LRRC4C: variants seen among roughly 807,000 people sequenced by gnomAD.
LRRC4C encodes leucine-rich repeat-containing protein 4C.
LRRC4C carries 5 observed loss-of-function variants against 33.6 expected under a neutral mutation model. The observed-to-expected ratio is 0.15, with a 90% confidence interval of 0.08 to 0.31. LRRC4C has a LOEUF of 0.31. Among genes scored for constraint, LRRC4C ranks in the 10% least tolerant of loss-of-function variants. The probability of loss-of-function intolerance (pLI) is 1.00; values close to 1 mark genes in which losing one functional copy is unlikely to be tolerated. For synonymous variants in LRRC4C, 329 were observed against 302.0 expected, an observed-to-expected ratio of 1.09 and a Z score of -0.93; for missense variants, 560 against 796.7, an observed-to-expected ratio of 0.70 and a Z score of 3.58.
At chr11:41,052,672 T>C (rs964522852) in intron 1 of LRRC4C, among the ~76,000 whole-genome samples, 4 of 152,044 alleles carry the variant, frequency 2.6e-5, no homozygotes, top group African/African-American at 9.7e-5. Context: ...AAACAGTGAG[T>C]AGGTGACTAA....
intron 3 of LRRC4C, among the ~76,000 whole-genome samples, chr11:40,619,843 C>A (rs1256283290): frequency 6.6e-6 from 1 of 151,034 alleles, no homozygotes; most frequent in Non-Finnish European, 1.5e-5. Flanking sequence ...CTCGGTGTTG[C>A]AGGGTGAAGT....
chr11:40,245,972 C>CCTTTTTTTTTTTTTT (rs1194665215), intron 4 of LRRC4C, among the ~76,000 whole-genome samples: 1 of 132,116 alleles, frequency 7.6e-6, no homozygotes, highest in Non-Finnish European at 1.6e-5. Flanking sequence ...AAAGTCCTAA[C>CCTTTTTTTTTTTTTT]TTTTTTTTTT....
At chr11:41,032,937 C>A (rs536551581) in intron 1 of LRRC4C, among the ~76,000 whole-genome samples, 2 of 152,084 alleles carry the variant, frequency 1.3e-5, no homozygotes, top group African/African-American at 2.4e-5. Context: ...GCATCATTTT[C>A]ATTAGCATTT....
chr11:40,858,389 T>G (rs563575492), intron 2 of LRRC4C, among the ~76,000 whole-genome samples: 11 of 152,184 alleles, frequency 7.2e-5, no homozygotes, highest in African/African-American at 2.4e-4. Context: ...TTTCCTAAGA[T>G]CAATAGTATT....
intron 2 of LRRC4C, among the ~76,000 whole-genome samples, chr11:40,913,143 C>A (rs1241192346): frequency 6.6e-6 from 1 of 152,124 alleles, no homozygotes; most frequent in Non-Finnish European, 1.5e-5. Context: ...ATCAATGAGA[C>A]AGAAAGTCAA....
chr11:40,707,615 T>G (rs1366179454), intron 2 of LRRC4C, among the ~76,000 whole-genome samples: 1 of 152,234 alleles, frequency 6.6e-6, no homozygotes, highest in Non-Finnish European at 1.5e-5. Context: ...GGTTTGCCAG[T>G]ATTTTATTGA....
At position 40,183,964 on chromosome 11, in the gene LRRC4C, T is replaced by C. The variant is rs117282101; in HGVS notation, c.-95-43111A>G. ...CTGAAAAAGACAATAATATAAATCA[T>C]TAACAGAAGACAGAGCTTAGAGTTA... On this transcript the variant is annotated intron_variant, in intron 5 of 6. Transcript: ENST00000528697. Among the ~76,000 whole-genome samples, 527 of 152,286 alleles carry C rather than the reference T, an allele frequency of 3.5e-3. 2 individuals are homozygous for C. The highest frequency in any genetic ancestry group is 0.017 in the Middle Eastern group (5 of 294).
At chr11:40,613,313 A>C (rs2172858) in intron 3 of LRRC4C, among the ~76,000 whole-genome samples, 1 of 151,638 alleles carries the variant, frequency 6.6e-6, no homozygotes, top group South Asian at 2.1e-4. Context: ...AATATTCTAA[A>C]TATTTTGTTG....
At chr11:40,743,555 C>T (rs1283654590) in intron 2 of LRRC4C, among the ~76,000 whole-genome samples, 1 of 152,048 alleles carries the variant, frequency 6.6e-6, no homozygotes, top group Non-Finnish European at 1.5e-5. Context: ...TTATATAGGC[C>T]TGAGGCTTCA....
chr11:41,393,081 A>C lies in LRRC4C; in HGVS notation c.-496+66350T>G, dbSNP rs145875782. 4.5e-3 allele frequency among the ~76,000 whole-genome samples: 678 copies of C among 152,044 alleles called. 3 individuals carry two copies. Among genetic ancestry groups the C allele is most frequent in the African/African-American group, 0.014 (590 of 41,524 alleles). On this transcript the variant is annotated intron_variant, in intron 1 of 6. Transcript: ENST00000528697. ...AGATATAATGATTGTAAAGTCACTT[A>C]AGTTAGTTTGCTAGGACATAAGCAA... is the stretch of plus-strand genomic sequence containing the variant.
At chr11:40,290,265 GGT>G (rs1215374605) in intron 4 of LRRC4C, among the ~76,000 whole-genome samples, 2 of 152,022 alleles carry the variant, frequency 1.3e-5, no homozygotes, top group Non-Finnish European at 1.5e-5. Context: ...ACTTAACTGT[GGT>G]AACGTAAAAC....
chr11:40,807,951 A>C (rs1292226427), intron 2 of LRRC4C, among the ~76,000 whole-genome samples: 1 of 152,194 alleles, frequency 6.6e-6, no homozygotes, highest in Non-Finnish European at 1.5e-5. Flanking sequence ...TTTTGGAAAA[A>C]AATTACATCA....
intron 2 of LRRC4C, among the ~76,000 whole-genome samples, chr11:40,665,817 G>GGTA (rs1943775240): frequency 6.6e-6 from 1 of 151,930 alleles, no homozygotes; most frequent in African/African-American, 2.4e-5. Context: ...CCCCTTATTA[G>GGTA]ATTAGCCAGT....
intron 2 of LRRC4C, among the ~76,000 whole-genome samples, chr11:40,690,713 A>G (rs1420683931): frequency 6.6e-6 from 1 of 152,040 alleles, no homozygotes; most frequent in Non-Finnish European, 1.5e-5. Context: ...ATTATCTACA[A>G]CACTGTACCA....
At chr11:40,847,124 T>C (rs918921641) in intron 2 of LRRC4C, among the ~76,000 whole-genome samples, 1 of 22,400 alleles carries the variant, frequency 4.5e-5, no homozygotes, top group South Asian at 1.7e-3. Flanking sequence ...CTCTTCCTAT[T>C]TGAATACCTT....
chr11:40,182,995 C>G (rs1325156051), intron 5 of LRRC4C, among the ~76,000 whole-genome samples: 3 of 152,170 alleles, frequency 2.0e-5, no homozygotes, highest in African/African-American at 7.2e-5. Flanking sequence ...GTAGATGGCA[C>G]AGCAGATATG....
At chr11:41,108,605 T>C (rs957269445) in intron 1 of LRRC4C, among the ~76,000 whole-genome samples, 1 of 152,258 alleles carries the variant, frequency 6.6e-6, no homozygotes, top group Non-Finnish European at 1.5e-5. Context: ...TTCCATTAAT[T>C]TGTATATTGT....
At chr11:40,987,674 TGA>T (rs1853153766) in intron 1 of LRRC4C, among the ~76,000 whole-genome samples, 1 of 27,990 alleles carries the variant, frequency 3.6e-5, no homozygotes, top group African/African-American at 9.7e-5. Flanking sequence ...GAGATATAAA[TGA>T]TATATATATA....
intron 2 of LRRC4C, among the ~76,000 whole-genome samples, chr11:40,714,412 C>G (rs923959474): frequency 6.6e-6 from 1 of 152,186 alleles, no homozygotes; most frequent in African/African-American, 2.4e-5. Context: ...CACAGCGTGC[C>G]TTGGACCAAA....
Sources: allele counts gnomAD v4.1 joint callset (sites outside exome capture counted in the v4.1 genomes callset), GRCh38; gene constraint gnomAD v4.1.1; transcripts MANE v1.5; gene names NCBI Gene and HGNC (gene_info 2026-07-23, HGNC 2026-07-21).